Variants in GLRA2 observed in about 807,000 individuals in gnomAD.
GLRA2 encodes glycine receptor subunit alpha-2.
GLRA2 carries 11 observed loss-of-function variants against 31.6 expected under a neutral mutation model. That is an observed-to-expected ratio of 0.35 (90% CI 0.22 to 0.58). The LOEUF (loss-of-function observed/expected upper bound fraction) is 0.58. Among genes scored for constraint, GLRA2 ranks in the 20% least tolerant of loss-of-function variants. The pLI is 0.84. For synonymous variants in GLRA2, 132 were observed against 134.0 expected (o/e 0.99, Z 0.10); for missense variants, 212 against 351.8 (o/e 0.60, Z 3.18).
At chrX:14,562,515 A>G (rs1422410679) in intron 2 of GLRA2, among the ~76,000 whole-genome samples, 3 of 112,099 alleles carry the variant, frequency 2.7e-5, no homozygotes, top group Non-Finnish European at 3.8e-5. Flanking sequence ...CAAGGAGTTT[A>G]TATTTGTTTT....
At chrX:14,660,179 CA>C (rs2090977897) in intron 7 of GLRA2, among the ~76,000 whole-genome samples, 1 of 111,780 alleles carries the variant, frequency 8.9e-6, no homozygotes, top group African/African-American at 3.3e-5. Flanking sequence ...ATTGAGACTA[CA>C]AATGGAGGAA....
rs377407605 is a variant in GLRA2, at chrX:14,695,816, T to C, written c.1080+4957T>C. On this transcript the variant is annotated intron_variant, in intron 8 of 8. Transcript: ENST00000218075. ...AAGAGTATGGTGGAAAAAAGAAACA[T>C]AGGTTTGAGGAAGAAGGATCAAGTA... Among the ~76,000 whole-genome samples, 213 of 111,089 alleles carry C rather than the reference T, an allele frequency of 1.9e-3. 1 individual carries two copies. Among genetic ancestry groups the C allele is most frequent in the Non-Finnish European group, 3.3e-3 (174 of 52,867 alleles).
chrX:14,480,553 G>T, the GLRA2 span, among the ~76,000 whole-genome samples: 1 of 111,620 alleles, frequency 9.0e-6, no homozygotes, highest in Non-Finnish European at 1.9e-5. Flanking sequence ...GAAAGTAGGG[G>T]TCCTGTTTCA....
chrX:14,697,674 C>T (rs1299239934), intron 8 of GLRA2, among the ~76,000 whole-genome samples: 2 of 110,780 alleles, frequency 1.8e-5, no homozygotes, highest in Admixed American at 9.6e-5. Flanking sequence ...ACTTGGGATA[C>T]CAGCCTTGTT....
chrX:14,504,927 G>T, the GLRA2 span, among the ~76,000 whole-genome samples: 20 of 111,877 alleles, frequency 1.8e-4, no homozygotes, highest in African/African-American at 6.5e-4. Context: ...CTGAGTATGG[G>T]TCTAGGAACT....
At chrX:14,461,653 A>G in the GLRA2 span, among the ~76,000 whole-genome samples, 2 of 111,347 alleles carry the variant, frequency 1.8e-5, no homozygotes, top group Non-Finnish European at 3.8e-5. Flanking sequence ...CTGTTTTATC[A>G]GAGACTGGAA....
At position 14,609,039 on chromosome X, in the gene GLRA2, G is replaced by C; in HGVS notation, c.764G>C (p.Gly255Ala). The C allele has an allele frequency of 8.5e-7, 1 of 1,181,206 alleles. No individual in the cohort carries two copies. Among genetic ancestry groups the C allele is most frequent in the Non-Finnish European group, 1.2e-6 (1 of 868,554 alleles). ...AAGTTTCATCTGGAACGCCAAATGG[G>C]ATATTATTTGATCCAGATGTACATC... ...EVKFHLERQM[G>A]YYLIQMYIPS... is the part of the protein sequence containing the mutation. The change falls in exon 7 of 9, where the codon GGA (glycine) becomes GCA (alanine). Residue 255 changes from glycine to alanine, a missense_variant. Physicochemically the swap from Gly to Ala is moderately conservative, Grantham distance 60 (BLOSUM62 0). This residue lies in a region of GLRA2 where 110 missense variants were observed against 232.6 expected (regional missense o/e 0.47). Coordinates refer to ENST00000218075, the MANE Select transcript of GLRA2 (RefSeq NM_002063.4).
At chrX:14,582,903 T>C (rs1448906620) in intron 4 of GLRA2, among the ~76,000 whole-genome samples, 11 of 112,088 alleles carry the variant, frequency 9.8e-5, no homozygotes, top group African/African-American at 3.2e-4. Flanking sequence ...AAAATATTAT[T>C]TACAAAAATA....
At chrX:14,489,841 T>C in the GLRA2 span, among the ~76,000 whole-genome samples, 2 of 112,442 alleles carry the variant, frequency 1.8e-5, no homozygotes, top group Non-Finnish European at 3.8e-5. Flanking sequence ...TTGTTAACAA[T>C]GGAAAATTAA....
At chrX:14,475,671 A>C in the GLRA2 span, among the ~76,000 whole-genome samples, 1 of 111,347 alleles carries the variant, frequency 9.0e-6, no homozygotes, top group Non-Finnish European at 1.9e-5. Flanking sequence ...GTAATAAATA[A>C]TTTTTACATT....
the GLRA2 span, among the ~76,000 whole-genome samples, chrX:14,520,139 T>TG: frequency 8.0e-5 from 9 of 112,201 alleles, no homozygotes; most frequent in Non-Finnish European, 1.5e-4. Flanking sequence ...TTTTATGGAA[T>TG]GGGGGTTAGA....
At chrX:14,674,824 A>G (rs2091128505) in intron 7 of GLRA2, among the ~76,000 whole-genome samples, 1 of 109,560 alleles carries the variant, frequency 9.1e-6, no homozygotes, top group Admixed American at 9.8e-5. Flanking sequence ...ACAAACATTT[A>G]TTAAGTGAAG....
At position 14,545,107 on chromosome X, in the gene GLRA2, A is replaced by G. The variant is rs1415812267; in HGVS notation, c.202+12735A>G. Among the ~76,000 whole-genome samples the G allele has an allele frequency of 3.6e-5, 4 of 112,177 alleles. No homozygotes were observed. In the Admixed American group the frequency reaches 3.8e-4, roughly 11 times the overall value. On this transcript the variant is annotated intron_variant, in intron 2 of 8. Coordinates refer to ENST00000218075, the MANE Select transcript of GLRA2 (RefSeq NM_002063.4). ...CCACAGTGATGACATTAGCATTGCTAGTATTCCACTGTACAGCCCACAGAT... is the reference window on the plus strand; with the variant it reads ...CCACAGTGATGACATTAGCATTGCTGGTATTCCACTGTACAGCCCACAGAT...
At chrX:14,660,828 G>A (rs2090983753) in intron 7 of GLRA2, among the ~76,000 whole-genome samples, 8 of 112,255 alleles carry the variant, frequency 7.1e-5, no homozygotes, top group Admixed American at 6.6e-4. Context: ...GAAAGACTGC[G>A]ATTAGAACAG....
rs2091986780 is a variant in GLRA2, at chrX:14,730,932, ACACACAC to A, written c.*448_*454del. 1 of 115,999 alleles carries A rather than the reference ACACACAC, an allele frequency of 8.6e-6. No individual in the cohort carries two copies. Among genetic ancestry groups the A allele is most frequent in the Non-Finnish European group, 1.7e-5 (1 of 57,570 alleles). The allele number at this position is 115,999 out of a possible 1,213,427, so 9.6% of individuals were successfully genotyped here. ...CACACACACACACACACACACACAC[ACACACAC>A]ACACACACACAAACTTCAAAAATGC... On this transcript the variant is annotated 3_prime_UTR_variant, in exon 9 of 9. Coordinates refer to ENST00000218075, the MANE Select transcript of GLRA2 (RefSeq NM_002063.4).
chrX:14,543,099 G>A (rs5934179), intron 2 of GLRA2, among the ~76,000 whole-genome samples: 21,687 of 107,566 alleles, frequency 0.2, 2,193 homozygotes, highest in Non-Finnish European at 0.31. Flanking sequence ...ATTGTTTTAC[G>A]AAATGAAGGG....
chrX:14,665,303 T>A (rs1391815862), intron 7 of GLRA2, among the ~76,000 whole-genome samples: 1 of 112,094 alleles, frequency 8.9e-6, no homozygotes, highest in Non-Finnish European at 1.9e-5. Context: ...TCCACTTTCA[T>A]GCCTAATCAT....
chrX:14,500,758 G>A, the GLRA2 span, among the ~76,000 whole-genome samples: 1 of 111,283 alleles, frequency 9.0e-6, no homozygotes, highest in Non-Finnish European at 1.9e-5. Context: ...TCACTTTCCT[G>A]TGGCCCCAGA....
At chrX:14,581,109 A>G in intron 3 of GLRA2, 74 bp from the exon 4 acceptor site, 1 of 635,044 alleles carries the variant, frequency 1.6e-6, no homozygotes. Flanking sequence ...ATCAGGGAGA[A>G]GAATGAGAGA....
Sources: allele counts gnomAD v4.1 joint callset (sites outside exome capture counted in the v4.1 genomes callset), GRCh38; gene constraint gnomAD v4.1.1; regional missense constraint gnomAD v4.1.1; transcripts MANE v1.5; gene names NCBI Gene and HGNC (gene_info 2026-07-23, HGNC 2026-07-21).